MBD5: variants seen among roughly 807,000 people sequenced by gnomAD.
The protein encoded by MBD5 is methyl-CpG-binding domain protein 5.
MBD5 carries 13 observed loss-of-function variants against 117.3 expected under a neutral mutation model. The observed-to-expected ratio is 0.11, with a 90% CI of 0.07 to 0.18. The LOEUF (loss-of-function observed/expected upper bound fraction) is 0.18, where lower values mean the gene tolerates loss of function less well. Ranked by LOEUF, MBD5 falls within the 10% of genes least tolerant of loss-of-function variation. MBD5 has a pLI of 1.00. For missense variants in MBD5, 1,879 were observed against 2,093.8 expected (o/e 0.90, Z 2.00); for synonymous variants, 727 against 766.4 (o/e 0.95, Z 0.85).
chr2:148,309,987 G>A (rs2087864425), intron 3 of MBD5, among the ~76,000 whole-genome samples: 1 of 152,168 alleles, frequency 6.6e-6, no homozygotes, highest in South Asian at 2.1e-4. Context: ...GCATCCCAGG[G>A]ATAAAGCCAA....
intron 2 of MBD5, among the ~76,000 whole-genome samples, chr2:148,208,655 C>CTT (rs57011820): frequency 1.4e-5 from 2 of 138,036 alleles, no homozygotes; most frequent in African/African-American, 2.6e-5. Flanking sequence ...GTTATCTGTT[C>CTT]TTTTTTTTTT....
intron 3 of MBD5, among the ~76,000 whole-genome samples, chr2:148,307,068 A>G (rs1365198593): frequency 6.6e-6 from 1 of 152,174 alleles, no homozygotes; most frequent in African/African-American, 2.4e-5. Flanking sequence ...CAAAAATGTT[A>G]AAAGTTGGAA....
intron 8 of MBD5, among the ~76,000 whole-genome samples, chr2:148,480,375 G>C (rs1294890280): frequency 6.6e-6 from 1 of 151,986 alleles, no homozygotes; most frequent in Non-Finnish European, 1.5e-5. Flanking sequence ...AATCTCTAAG[G>C]AAAGCCTTCA....
chr2:148,244,482 T>G (rs758601781), intron 3 of MBD5: 5 of 152,188 alleles, frequency 3.3e-5, no homozygotes, highest in Non-Finnish European at 7.3e-5. Flanking sequence ...TTATGTGAGT[T>G]TTTTTAATTA....
At chr2:148,468,238 C>G (rs1000409286) in intron 7 of MBD5, 103 bp from the exon 8 acceptor site, 7 of 901,028 alleles carry the variant, frequency 7.8e-6, no homozygotes, top group Non-Finnish European at 1.3e-5. Context: ...TTCCAGATGC[C>G]CATCCTCCCT....
At chr2:148,031,746 A>G (rs908396921) in intron 1 of MBD5, among the ~76,000 whole-genome samples, 1 of 152,154 alleles carries the variant, frequency 6.6e-6, no homozygotes, top group Non-Finnish European at 1.5e-5. Flanking sequence ...TTTTCTGAAT[A>G]TGAGTTGGAA....
intron 4 of MBD5, among the ~76,000 whole-genome samples, chr2:148,435,244 G>T (rs1706120292): frequency 1.3e-5 from 2 of 152,064 alleles, no homozygotes; most frequent in East Asian, 1.9e-4. Context: ...TTTAATTGGG[G>T]CATTTCGTCC....
intron 4 of MBD5, among the ~76,000 whole-genome samples, chr2:148,408,450 C>G (rs1705148093): frequency 6.6e-6 from 1 of 152,098 alleles, no homozygotes; most frequent in South Asian, 2.1e-4. Context: ...TGTTTTCATT[C>G]TGTATGGGTG....
intron 4 of MBD5, among the ~76,000 whole-genome samples, chr2:148,386,909 T>C (rs1036935824): frequency 1.3e-5 from 2 of 152,086 alleles, no homozygotes; most frequent in Non-Finnish European, 2.9e-5. Context: ...GAATCAAATA[T>C]TTAATTAAAA....
At chr2:148,504,068 T>C (rs1681952265) in intron 12 of MBD5, among the ~76,000 whole-genome samples, 1 of 152,230 alleles carries the variant, frequency 6.6e-6, no homozygotes, top group African/African-American at 2.4e-5. Context: ...TATTTGCTAT[T>C]AAGCAATTTC....
chr2:148,041,209 C>T (rs1248759440), intron 1 of MBD5: 1 of 152,144 alleles, frequency 6.6e-6, no homozygotes, highest in Non-Finnish European at 1.5e-5. Context: ...CTTGAAGGAT[C>T]GTTAAACACC....
At chr2:148,277,064 A>T (rs1034699705) in intron 3 of MBD5, among the ~76,000 whole-genome samples, 7 of 152,156 alleles carry the variant, frequency 4.6e-5, no homozygotes, top group Non-Finnish European at 1.0e-4. Flanking sequence ...CTTAAGGGGC[A>T]ATTTTCAGTT....
chr2:148,484,667 G>T (rs919850746), intron 9 of MBD5, among the ~76,000 whole-genome samples: 2 of 152,238 alleles, frequency 1.3e-5, no homozygotes, highest in Non-Finnish European at 2.9e-5. Context: ...CAAGGGAACA[G>T]ACAGCCCCTC....
At chr2:148,188,926 G>C (rs553175753) in intron 2 of MBD5, among the ~76,000 whole-genome samples, 2 of 151,788 alleles carry the variant, frequency 1.3e-5, no homozygotes, top group African/African-American at 2.4e-5. Context: ...GAAGCAGGGC[G>C]AGACATTGCC....
At position 148,512,851 on chromosome 2, in the gene MBD5, T is replaced by C. The variant is rs1682258874; in HGVS notation, c.5113-19T>C. The stretch of plus-strand genomic sequence containing the variant: ...CATCCTCTGTTGTTGTTGTTTTTTT[T>C]CTACCTTTTTATTTCCAGGTACACC... On this transcript the variant is annotated intron_variant, in intron 13 of 13. Transcript: ENST00000642680. The C allele has an allele frequency of 2.5e-6, 4 of 1,610,322 alleles. No homozygotes were observed. The East Asian group carries it at 6.7e-5, about 27-fold the overall frequency.
At chr2:148,248,667 G>A (rs1287472576) in intron 3 of MBD5, among the ~76,000 whole-genome samples, 1 of 152,018 alleles carries the variant, frequency 6.6e-6, no homozygotes, top group Non-Finnish European at 1.5e-5. Context: ...AGAAATATGA[G>A]ATTAAAGATA....
intron 2 of MBD5, among the ~76,000 whole-genome samples, chr2:148,223,909 T>C (rs1445116526): frequency 6.6e-6 from 1 of 152,198 alleles, no homozygotes; most frequent in African/African-American, 2.4e-5. Flanking sequence ...CCATAGGTTT[T>C]GCTTGTTGTG....
chr2:148,328,805 C>T (rs1034292848), intron 3 of MBD5, among the ~76,000 whole-genome samples: 6 of 152,172 alleles, frequency 3.9e-5, no homozygotes, highest in South Asian at 2.1e-4. Context: ...CCGTCTTCTG[C>T]GTTGCTCACT....
intron 3 of MBD5, among the ~76,000 whole-genome samples, chr2:148,314,665 A>C (rs573614886): frequency 2.6e-5 from 4 of 152,084 alleles, no homozygotes; most frequent in Admixed American, 2.6e-4. Flanking sequence ...GACGAGATCC[A>C]GCGCATTCAG....
Sources: allele counts gnomAD v4.1 joint callset (sites outside exome capture counted in the v4.1 genomes callset), GRCh38; gene constraint gnomAD v4.1.1; transcripts MANE v1.5; gene names NCBI Gene and HGNC (gene_info 2026-07-23, HGNC 2026-07-21).